Variants in FUT8 observed in about 807,000 individuals in gnomAD.
The protein encoded by FUT8 is alpha-(1,6)-fucosyltransferase.
A neutral mutation model predicts 71.3 loss-of-function variants in FUT8; 29 were observed. That is an observed-to-expected ratio of 0.41 (90% CI 0.30 to 0.55). FUT8 has a LOEUF of 0.55. Among genes scored for constraint, FUT8 ranks in the 20% least tolerant of loss-of-function variants. The pLI, the probability that FUT8 is intolerant of heterozygous loss-of-function variation, is 0.34. For missense variants in FUT8, 544 were observed against 702.1 expected (o/e 0.77, Z 2.55); for synonymous variants, 254 against 239.3 (o/e 1.06, Z -0.57).
At chr14:65,591,720 A>G (rs1427704384) in intron 3 of FUT8, among the ~76,000 whole-genome samples, 1 of 152,100 alleles carries the variant, frequency 6.6e-6, no homozygotes, top group Non-Finnish European at 1.5e-5. Context: ...TGAAGCTAGA[A>G]TGCTTTATGA....
the FUT8 span, among the ~76,000 whole-genome samples, chr14:65,393,572 ATT>A: frequency 6.6e-6 from 1 of 152,070 alleles, no homozygotes; most frequent in Non-Finnish European, 1.5e-5. Flanking sequence ...CATGTTAAAG[ATT>A]TGAGTGTTAA....
At chr14:65,640,816 T>C (rs1890790589) in intron 6 of FUT8, among the ~76,000 whole-genome samples, 1 of 152,182 alleles carries the variant, frequency 6.6e-6, no homozygotes, top group Non-Finnish European at 1.5e-5. Context: ...AGCATAATTA[T>C]AAATACTCCA....
At chr14:65,434,653 T>A (rs1032982499) in intron 1 of FUT8, among the ~76,000 whole-genome samples, 1 of 152,192 alleles carries the variant, frequency 6.6e-6, no homozygotes, top group South Asian at 2.1e-4. Context: ...ATTTAAGAAT[T>A]CAAAACTAAG....
intron 2 of FUT8, among the ~76,000 whole-genome samples, chr14:65,465,529 C>G (rs1392242697): frequency 6.6e-6 from 1 of 152,152 alleles, no homozygotes; most frequent in Non-Finnish European, 1.5e-5. Context: ...TATAATTTCT[C>G]AAGACTATTT....
chr14:65,724,965 A>G (rs760367971), intron 9 of FUT8, among the ~76,000 whole-genome samples: 2 of 152,106 alleles, frequency 1.3e-5, no homozygotes, highest in African/African-American at 4.8e-5. Flanking sequence ...GGGATTCAAC[A>G]TAGGAATTTG....
At chr14:65,588,145 A>T (rs183539030) in intron 3 of FUT8, among the ~76,000 whole-genome samples, 2 of 151,498 alleles carry the variant, frequency 1.3e-5, no homozygotes, top group African/African-American at 4.9e-5. Context: ...ATTTTCCACT[A>T]CTCCTCCTTC....
intron 2 of FUT8, among the ~76,000 whole-genome samples, chr14:65,491,036 A>G (rs561369944): frequency 1.3e-5 from 2 of 152,278 alleles, no homozygotes; most frequent in African/African-American, 4.8e-5. Context: ...TAGTTAGAAG[A>G]CCAAGTGAAA....
chr14:65,647,633 A>G (rs1203187069), intron 6 of FUT8, among the ~76,000 whole-genome samples: 2 of 152,234 alleles, frequency 1.3e-5, no homozygotes, highest in Non-Finnish European at 2.9e-5. Flanking sequence ...CCTATGGGAC[A>G]TCTTCTTTCC....
At chr14:65,468,345 T>G (rs1026400780) in intron 2 of FUT8, 3 of 580,350 alleles carry the variant, frequency 5.2e-6, no homozygotes, top group Non-Finnish European at 6.5e-6. Flanking sequence ...TGTTCGTCCT[T>G]TTGGCGAATT....
chr14:65,542,112 G>C (rs1884709868), intron 2 of FUT8, among the ~76,000 whole-genome samples: 1 of 152,160 alleles, frequency 6.6e-6, no homozygotes, highest in African/African-American at 2.4e-5. Flanking sequence ...TATGATATCT[G>C]TGAAGCAATT....
At chr14:65,463,953 A>T (rs1181088002) in intron 2 of FUT8, among the ~76,000 whole-genome samples, 2 of 152,340 alleles carry the variant, frequency 1.3e-5, no homozygotes, top group East Asian at 3.9e-4. Flanking sequence ...ATGCTTGAGA[A>T]GTTAGAGAGA....
intron 2 of FUT8, among the ~76,000 whole-genome samples, chr14:65,495,670 T>A (rs2066547723): frequency 6.6e-6 from 1 of 152,184 alleles, no homozygotes; most frequent in African/African-American, 2.4e-5. Flanking sequence ...AAATACAAGT[T>A]TTCTATATAA....
intron 3 of FUT8, among the ~76,000 whole-genome samples, chr14:65,593,058 T>A (rs1221547159): frequency 1.3e-5 from 2 of 152,230 alleles, no homozygotes; most frequent in African/African-American, 4.8e-5. Flanking sequence ...ATAATACTAG[T>A]CTTTAGGCAA....
At chr14:65,388,382 C>A in the FUT8 span, among the ~76,000 whole-genome samples, 1 of 152,164 alleles carries the variant, frequency 6.6e-6, no homozygotes, top group Non-Finnish European at 1.5e-5. Context: ...CAGTGCATAT[C>A]TGTTGACTAT....
chr14:65,520,480 T>C (rs1003028590), intron 2 of FUT8, among the ~76,000 whole-genome samples: 13 of 152,160 alleles, frequency 8.5e-5, no homozygotes, highest in African/African-American at 2.9e-4. Flanking sequence ...GTTAAATTAT[T>C]ACTACCTATT....
intron 2 of FUT8, among the ~76,000 whole-genome samples, chr14:65,473,523 T>A (rs1005371364): frequency 6.6e-6 from 1 of 152,216 alleles, no homozygotes; most frequent in African/African-American, 2.4e-5. Flanking sequence ...TCCCAAAAAT[T>A]GTAGTTTTGT....
At chr14:65,584,708 A>G (rs977085758) in intron 3 of FUT8, among the ~76,000 whole-genome samples, 3 of 152,236 alleles carry the variant, frequency 2.0e-5, no homozygotes, top group African/African-American at 7.2e-5. Context: ...CTGTGTTAGG[A>G]TCTAAGTACT....
At chr14:65,708,339 T>G (rs1037545332) in intron 7 of FUT8, among the ~76,000 whole-genome samples, 3 of 152,216 alleles carry the variant, frequency 2.0e-5, no homozygotes, top group African/African-American at 7.2e-5. Context: ...TCCCCAGCCA[T>G]GCTGAACTGT....
chr14:65,667,819 G>T (rs1464060919), intron 6 of FUT8, among the ~76,000 whole-genome samples: 1 of 151,954 alleles, frequency 6.6e-6, no homozygotes, highest in Non-Finnish European at 1.5e-5. Flanking sequence ...AAACACCATG[G>T]TACCCATACC....
Sources: gnomAD v4.1 joint callset for allele counts (sites outside exome capture counted in the v4.1 genomes callset) on GRCh38, gnomAD v4.1.1 for gene constraint, MANE v1.5 for transcripts, NCBI Gene and HGNC (gene_info 2026-07-23, HGNC 2026-07-21) for gene names.